Variants in STX8 observed in about 807,000 individuals in gnomAD.
STX8 encodes the protein syntaxin-8.
A neutral mutation model predicts 37.5 loss-of-function variants in STX8; 23 were observed. The ratio of observed to expected loss-of-function variants is 0.61; its 90% CI spans 0.44 to 0.87. The LOEUF (loss-of-function observed/expected upper bound fraction) is 0.87. Ranked by LOEUF, STX8 falls within the 40% of genes least tolerant of loss-of-function variation. The pLI, the probability that STX8 is intolerant of heterozygous loss-of-function variation, is 0.00. For missense variants in STX8, 313 were observed against 284.7 expected (o/e 1.10, Z -0.71); for synonymous variants, 115 against 99.1 (o/e 1.16, Z -0.95).
intron 7 of STX8, among the ~76,000 whole-genome samples, chr17:9,280,724 G>C (rs909284640): frequency 2.0e-5 from 3 of 152,180 alleles, no homozygotes; most frequent in African/African-American, 7.2e-5. Flanking sequence ...AGAGCTGTGT[G>C]CCTGTCAGTT....
At chr17:9,461,968 C>T (rs6503205) in intron 6 of STX8, among the ~76,000 whole-genome samples, 151,554 of 152,204 alleles carry the variant, frequency 1, 75,459 homozygotes, top group East Asian at 1. Context: ...GAGAATCTAA[C>T]GCTGCCGCTC....
At chr17:9,406,393 T>A (rs1161746253) in intron 6 of STX8, among the ~76,000 whole-genome samples, 1 of 152,224 alleles carries the variant, frequency 6.6e-6, no homozygotes, top group Non-Finnish European at 1.5e-5. Flanking sequence ...CAGGCAGAGA[T>A]GATTAACATC....
chr17:9,307,822 C>T (rs1217587409), intron 7 of STX8, among the ~76,000 whole-genome samples: 1 of 152,014 alleles, frequency 6.6e-6, no homozygotes, highest in Admixed American at 6.6e-5. Flanking sequence ...GTCACAGAAG[C>T]CAGAATTCCT....
intron 6 of STX8, among the ~76,000 whole-genome samples, chr17:9,453,487 C>CT (rs1168841037): frequency 0.025 from 2,760 of 112,172 alleles, 83 homozygotes; most frequent in Non-Finnish European, 0.034. Flanking sequence ...CACTACTCAT[C>CT]TTTTTTTTTT....
chr17:9,539,537 A>G (rs549896627), intron 4 of STX8, among the ~76,000 whole-genome samples: 131 of 152,334 alleles, frequency 8.6e-4, no homozygotes, highest in Admixed American at 1.9e-3. Flanking sequence ...AAAATGTGCC[A>G]TAGTGAGCAC....
At chr17:9,569,690 G>C (rs1164101479) in intron 1 of STX8, 1 of 152,158 alleles carries the variant, frequency 6.6e-6, no homozygotes, top group Non-Finnish European at 1.5e-5. Context: ...GCTCACGCTT[G>C]TAATCCCAGC....
Position 9,483,887 on chromosome 17 carries a change from G to A in STX8, c.541+7942C>T, listed in dbSNP as rs529934525. ...TCTTGGGCACAGGCAGGGTGGGAAT[G>A]GGAAGTACTTTTAGGCAAAAATAAG... On this transcript the variant is annotated intron_variant, in intron 6 of 7. Transcript: ENST00000306357. Among the ~76,000 whole-genome samples the A allele has an allele frequency of 2.7e-4, 41 of 152,228 alleles. 1 individual carries two copies. The highest frequency in any genetic ancestry group is 5.9e-5 in the Non-Finnish European group (4 of 68,010).
chr17:9,332,064 G>C (rs1909979402), intron 7 of STX8, among the ~76,000 whole-genome samples: 1 of 152,218 alleles, frequency 6.6e-6, no homozygotes, highest in African/African-American at 2.4e-5. Context: ...CACCAGGAAG[G>C]AGAATAATGG....
At chr17:9,345,572 A>AT (rs1333149728) in intron 7 of STX8, among the ~76,000 whole-genome samples, 1 of 152,244 alleles carries the variant, frequency 6.6e-6, no homozygotes, top group South Asian at 2.1e-4. Flanking sequence ...TATTTTTAAA[A>AT]TTTTTTATTT....
At chr17:9,521,603 C>G (rs1905340569) in intron 4 of STX8, among the ~76,000 whole-genome samples, 1 of 152,198 alleles carries the variant, frequency 6.6e-6, no homozygotes, top group Non-Finnish European at 1.5e-5. Context: ...ATCCATCCAT[C>G]CATCTGACAA....
intron 7 of STX8, among the ~76,000 whole-genome samples, chr17:9,285,488 C>T (rs1908041435): frequency 6.6e-6 from 1 of 151,708 alleles, no homozygotes; most frequent in Non-Finnish European, 1.5e-5. Context: ...TGGGTGTCTT[C>T]AATACCACAT....
chr17:9,561,593 G>A (rs1371062838), intron 2 of STX8, among the ~76,000 whole-genome samples: 1 of 148,556 alleles, frequency 6.7e-6, no homozygotes, highest in Non-Finnish European at 1.5e-5. Context: ...TGGGAGGCTC[G>A]GAGGTTGCAG....
intron 7 of STX8, among the ~76,000 whole-genome samples, chr17:9,282,913 T>TC (rs749627770): frequency 2.2e-4 from 33 of 151,760 alleles, no homozygotes; most frequent in Non-Finnish European, 4.1e-4. Flanking sequence ...TCTTTTTTTT[T>TC]TTTCTTTCTT....
Position 9,575,799 on chromosome 17 carries a change from C to T in STX8, c.10G>A (p.Asp4Asn). Reference sequence around the variant, plus strand: ...CCCTCACCCGGGACTCACCAGGGGTCCGGTGCCATCCTGCAGACTCCGCCC... The same window carrying T: ...CCCTCACCCGGGACTCACCAGGGGTTCGGTGCCATCCTGCAGACTCCGCCC... MAP[D>N]PWFSTYDSTC... Residue 4 changes from aspartate to asparagine, a missense_variant, in exon 1 of 8, where the codon GAC (aspartate) becomes AAC (asparagine). Coordinates refer to ENST00000306357, the MANE Select transcript of STX8 (RefSeq NM_004853.3). 1.3e-6 allele frequency: 2 copies of T among 1,542,918 alleles called. No individual in the cohort carries two copies. Among genetic ancestry groups the T allele is most frequent in the South Asian group, 1.2e-5 (1 of 83,992 alleles).
chr17:9,353,713 AT>A (rs1425904132), intron 7 of STX8, among the ~76,000 whole-genome samples: 1 of 152,202 alleles, frequency 6.6e-6, no homozygotes, highest in Non-Finnish European at 1.5e-5. Flanking sequence ...GTCCTTAAAA[AT>A]ATCCAACTAA....
intron 6 of STX8, among the ~76,000 whole-genome samples, chr17:9,401,986 A>G (rs940621413): frequency 2.6e-5 from 4 of 152,160 alleles, no homozygotes; most frequent in Admixed American, 6.6e-5. Flanking sequence ...AGAGCTCTGT[A>G]CCAGCAATTT....
intron 6 of STX8, among the ~76,000 whole-genome samples, chr17:9,481,835 G>C (rs917009011): frequency 1.3e-5 from 2 of 152,278 alleles, no homozygotes; most frequent in Non-Finnish European, 2.9e-5. Context: ...GTGCATGCGA[G>C]GGATCTAGGT....
At position 9,537,589 on chromosome 17, in the gene STX8, C is replaced by A. The variant is rs556338762; in HGVS notation, c.323+7583G>T. Reference sequence around the variant, plus strand: ...TCACGTCCTGGCTCAATCTTTCTGTCAACAAACATGTGCTGAATCAACAAC... The same window carrying A: ...TCACGTCCTGGCTCAATCTTTCTGTAAACAAACATGTGCTGAATCAACAAC... On this transcript the variant is annotated intron_variant, in intron 4 of 7. Transcript: ENST00000306357. Among the ~76,000 whole-genome samples the A allele has an allele frequency of 9.2e-5, 14 of 152,282 alleles. No individual in the cohort carries two copies. The South Asian group carries it at 2.9e-3, about 32-fold the overall frequency.
chr17:9,477,279 T>C (rs1435951010), intron 6 of STX8, among the ~76,000 whole-genome samples: 1 of 152,128 alleles, frequency 6.6e-6, no homozygotes, highest in African/African-American at 2.4e-5. Context: ...TCTGAAGTAG[T>C]AGGGGGTTAG....
Sources: allele counts gnomAD v4.1 joint callset (sites outside exome capture counted in the v4.1 genomes callset), GRCh38; gene constraint gnomAD v4.1.1; transcripts MANE v1.5; gene names NCBI Gene and HGNC (gene_info 2026-07-23, HGNC 2026-07-21).